The following RPS6KA3 variants were observed in gnomAD, a reference collection of about 807,000 sequenced individuals.
RPS6KA3 encodes ribosomal protein S6 kinase alpha-3.
Under a neutral mutation model 67.2 loss-of-function variants are expected in RPS6KA3, and 4 were observed. That is an observed-to-expected ratio of 0.06 (90% confidence interval 0.03 to 0.14). The LOEUF (loss-of-function observed/expected upper bound fraction) is 0.14, where lower values mean the gene tolerates loss of function less well. RPS6KA3 is among the 10% of genes least tolerant of loss of function. The pLI is 1.00. For missense variants in RPS6KA3, 204 were observed against 559.0 expected, an observed-to-expected ratio of 0.36 and a Z score of 6.40; for synonymous variants, 182 against 183.7, an observed-to-expected ratio of 0.99 and a Z score of 0.07.
At chrX:20,207,042 A>G (rs1189434092) in intron 3 of RPS6KA3, among the ~76,000 whole-genome samples, 1 of 112,032 alleles carries the variant, frequency 8.9e-6, no homozygotes, top group Non-Finnish European at 1.9e-5. Flanking sequence ...AGGACGCTGA[A>G]AGGTTATGGA....
chrX:20,214,839 T>C (rs2068806806), intron 2 of RPS6KA3, among the ~76,000 whole-genome samples: 1 of 106,299 alleles, frequency 9.4e-6, no homozygotes, highest in African/African-American at 3.6e-5. Flanking sequence ...TTTTCTTTTT[T>C]TCTTTTTTTT....
At chrX:20,189,224 GT>G (rs1294531414) in intron 7 of RPS6KA3, among the ~76,000 whole-genome samples, 3 of 110,983 alleles carry the variant, frequency 2.7e-5, no homozygotes, top group Non-Finnish European at 5.7e-5. Context: ...ATTCTCCAGG[GT>G]TTTCTCTCTT....
At chrX:20,193,933 T>A (rs917678528) in intron 6 of RPS6KA3, among the ~76,000 whole-genome samples, 13 of 112,559 alleles carry the variant, frequency 1.2e-4, no homozygotes, top group African/African-American at 4.2e-4. Flanking sequence ...TTTAAGGATA[T>A]CTTGTTGATA....
At chrX:20,191,319 T>C (rs982821361) in intron 7 of RPS6KA3, among the ~76,000 whole-genome samples, 2 of 111,904 alleles carry the variant, frequency 1.8e-5, no homozygotes, top group Non-Finnish European at 3.8e-5. Context: ...TGAATAGTGC[T>C]GCAATAAACA....
chrX:20,250,162 T>C (rs2069823929), intron 1 of RPS6KA3, among the ~76,000 whole-genome samples: 1 of 111,686 alleles, frequency 9.0e-6, no homozygotes, highest in Non-Finnish European at 1.9e-5. Flanking sequence ...CTGGATATAG[T>C]AAGTCTTAAA....
At chrX:20,173,522 A>G (rs1441354141) in intron 14 of RPS6KA3, among the ~76,000 whole-genome samples, 1 of 112,165 alleles carries the variant, frequency 8.9e-6, no homozygotes, top group Non-Finnish European at 1.9e-5. Context: ...GATGATGAAC[A>G]GCAACTTACT....
chrX:20,244,845 T>A (rs1248910103), intron 1 of RPS6KA3, among the ~76,000 whole-genome samples: 1 of 112,227 alleles, frequency 8.9e-6, no homozygotes, highest in Non-Finnish European at 1.9e-5. Context: ...CTAGGAAGGT[T>A]ATGGTTCATT....
At chrX:20,219,739 C>T (rs2068944632) in intron 2 of RPS6KA3, among the ~76,000 whole-genome samples, 1 of 111,634 alleles carries the variant, frequency 9.0e-6, no homozygotes, top group African/African-American at 3.3e-5. Flanking sequence ...AGAAGTTTTT[C>T]TAAGGTATTT....
chrX:20,256,499 C>A (rs1185670912), intron 1 of RPS6KA3, among the ~76,000 whole-genome samples: 1 of 111,759 alleles, frequency 8.9e-6, no homozygotes, highest in Admixed American at 9.5e-5. Flanking sequence ...TAAGTAATGT[C>A]TAGGCAGGCC....
At chrX:20,249,634 C>T (rs1416558554) in intron 1 of RPS6KA3, among the ~76,000 whole-genome samples, 1 of 111,631 alleles carries the variant, frequency 9.0e-6, no homozygotes, top group African/African-American at 3.3e-5. Flanking sequence ...CTATTTTTTG[C>T]CTGGATTGCT....
chrX:20,238,197 G>C (rs1475415897), intron 1 of RPS6KA3, among the ~76,000 whole-genome samples: 1 of 111,351 alleles, frequency 9.0e-6, no homozygotes. Context: ...GTGGTATATG[G>C]AATTGCATGT....
chrX:20,175,355 C>G (rs2067673498), intron 13 of RPS6KA3, 67 bp from the exon 14 acceptor site: 2 of 1,076,662 alleles, frequency 1.9e-6, no homozygotes, highest in African/African-American at 3.7e-5. Context: ...ACTGTTGACA[C>G]TATGACCTTT....
intron 14 of RPS6KA3, 49 bp from the exon 15 acceptor site, chrX:20,172,920 A>G (rs1569201598): frequency 2.7e-6 from 3 of 1,112,065 alleles, no homozygotes; most frequent in Non-Finnish European, 3.7e-6. Flanking sequence ...CCTTTAGTGC[A>G]TTTTATAATA....
At chrX:20,245,984 G>A (rs1284979957) in intron 1 of RPS6KA3, among the ~76,000 whole-genome samples, 2 of 110,165 alleles carry the variant, frequency 1.8e-5, no homozygotes, top group Non-Finnish European at 3.8e-5. Flanking sequence ...CAGGCGTGCT[G>A]GTGCATGCTT....
chrX:20,252,209 G>A (rs748075381), intron 1 of RPS6KA3, among the ~76,000 whole-genome samples: 19 of 111,652 alleles, frequency 1.7e-4, no homozygotes, highest in African/African-American at 6.2e-4. Flanking sequence ...TTTCAAGAGT[G>A]TTTGTGATTG....
In RPS6KA3 at chrX:20,163,468, T is replaced by C. The variant is rs375210597; in HGVS notation, c.1765-428A>G. Among the ~76,000 whole-genome samples, 330 of 93,075 alleles carry C rather than the reference T, an allele frequency of 3.5e-3. 2 individuals are homozygous for C. Among genetic ancestry groups the C allele is most frequent in the African/African-American group, 0.015 (290 of 19,083 alleles). The allele number at this position is 93,075 out of a possible 115,157, so 80.8% of individuals were successfully genotyped here. On this transcript the variant is annotated intron_variant, in intron 18 of 21. Transcript: ENST00000379565. ...ATGAGAAATACAAAAAACCCCTGAT[T>C]TCCCCCCCAAAAAAAAATCTGATGG...
At chrX:20,231,225 T>C (rs1339964932) in intron 2 of RPS6KA3, among the ~76,000 whole-genome samples, 1 of 111,791 alleles carries the variant, frequency 8.9e-6, no homozygotes. Context: ...CCCAAAGTGC[T>C]GGGATTACAG....
intron 5 of RPS6KA3, 59 bp from the exon 6 acceptor site, chrX:20,194,327 A>G (rs2068216330): frequency 3.0e-6 from 2 of 668,818 alleles, no homozygotes; most frequent in East Asian, 3.3e-5. Flanking sequence ...GGTTTACATT[A>G]GGTCATTCAT....
intron 4 of RPS6KA3, among the ~76,000 whole-genome samples, chrX:20,202,049 G>T (rs933497492): frequency 1.0e-5 from 1 of 99,022 alleles, no homozygotes; most frequent in Non-Finnish European, 2.0e-5. Flanking sequence ...GTGCGATCCC[G>T]GCTCACTGCA....
Sources: allele counts gnomAD v4.1 joint callset (sites outside exome capture counted in the v4.1 genomes callset), GRCh38; gene constraint gnomAD v4.1.1; transcripts MANE v1.5; gene names NCBI Gene and HGNC (gene_info 2026-07-23, HGNC 2026-07-21).